ZNF444: variants seen among roughly 807,000 people sequenced by gnomAD.
ZNF444 encodes endothelial zinc finger protein 2.
A neutral mutation model predicts 14.4 loss-of-function variants in ZNF444; 8 were observed. That is an observed-to-expected ratio of 0.56 (90% CI 0.33 to 1.00). The LOEUF (loss-of-function observed/expected upper bound fraction) is 1.00. ZNF444 is among the 50% of genes least tolerant of loss of function. The pLI, the probability that ZNF444 is intolerant of heterozygous loss-of-function variation, is 0.03. For missense variants in ZNF444, 510 were observed against 504.8 expected (o/e 1.01, Z -0.10); for synonymous variants, 258 against 235.9 (o/e 1.09, Z -0.86).
upstream of ZNF444, among the ~76,000 whole-genome samples, chr19:56,136,874 C>T (rs539345212): frequency 1.8e-4 from 27 of 152,052 alleles, no homozygotes; most frequent in African/African-American, 5.8e-4. Context: ...CTCTGCCTCC[C>T]GGTTCAAGTG....
intron 3 of ZNF444, chr19:56,157,833 C>T (rs994384241): frequency 6.6e-6 from 1 of 152,210 alleles, no homozygotes; most frequent in Non-Finnish European, 1.5e-5. Flanking sequence ...ATTCTCATCC[C>T]TTTCCCTTGG....
At position 56,143,752 on chromosome 19, in the gene ZNF444, C is replaced by G. The variant is rs114819371; in HGVS notation, c.-197+2395C>G. ...AATTGTAGTGAAGAAAGTCAGCACA[C>G]AGATATCGTAACACTAGATCTTGTT... On this transcript the variant is annotated intron_variant, in intron 1 of 4. Coordinates refer to ENST00000337080, the MANE Select transcript of ZNF444 (RefSeq NM_018337.4). 3.6e-3 allele frequency among the ~76,000 whole-genome samples: 547 copies of G among 152,224 alleles called. 3 individuals are homozygous for G. The highest frequency in any genetic ancestry group is 0.013 in the African/African-American group (526 of 41,518).
At chr19:56,152,395 A>G (rs551594785) in intron 3 of ZNF444, among the ~76,000 whole-genome samples, 1 of 149,556 alleles carries the variant, frequency 6.7e-6, no homozygotes, top group Non-Finnish European at 1.5e-5. Flanking sequence ...TGCGGTTATG[A>G]GGTGATTCGG....
chr19:56,159,792 C>A lies in ZNF444; in HGVS notation c.575C>A (p.Ala192Asp). The change falls in exon 5 of 5, where the codon GCT (alanine) becomes GAT (aspartate). Residue 192 changes from alanine to aspartate, a missense_variant. Coordinates refer to ENST00000337080, the MANE Select transcript of ZNF444 (RefSeq NM_018337.4). The part of the protein sequence containing the change: ...PECGKTSLKP[A>D]HLLRHRQSHS... ...TGCGGCAAAACGTCCCTGAAACCAG[C>A]TCACCTGCTGCGCCACCGGCAGAGC... 6.3e-7 allele frequency: 1 copy of A among 1,592,496 alleles called. No homozygotes were observed. Among genetic ancestry groups the A allele is most frequent in the Non-Finnish European group, 8.5e-7 (1 of 1,173,898 alleles).
At chr19:56,159,363 C>G (rs537307280) in intron 4 of ZNF444, among the ~76,000 whole-genome samples, 2 of 151,972 alleles carry the variant, frequency 1.3e-5, no homozygotes, top group Non-Finnish European at 2.9e-5. Flanking sequence ...CATCCACCCA[C>G]GCATTCTTCA....
In ZNF444 at chr19:56,147,302, A is replaced by G. The variant is rs1469216052; in HGVS notation, c.297+94A>G. 1 of 1,333,546 alleles carries G rather than the reference A, an allele frequency of 7.5e-7. No individual in the cohort carries two copies. Among genetic ancestry groups the G allele is most frequent in the East Asian group, 3.0e-5 (1 of 32,920 alleles). 82.6% of individuals were successfully genotyped at this position (1,333,546 alleles called of 1,614,324 possible). A position where few individuals can be genotyped will look rare whatever the true frequency, so the allele number is the denominator to read the frequency against. On this transcript the variant is annotated intron_variant, in intron 3 of 4. Transcript: ENST00000337080. This position sits in a 1 kb window ranked among gnomAD's most constrained non-coding sequence, Gnocchi z 5.9. ...AGGGAGGAGCACCACTGAACCCCTG[A>G]AAACCAGTGTGACTCGCGGTGGGGA...
At chr19:56,156,305 T>C (rs1292916638) in intron 3 of ZNF444, 1 of 152,220 alleles carries the variant, frequency 6.6e-6, no homozygotes, top group Non-Finnish European at 1.5e-5. Context: ...TTTTGGCCTT[T>C]TATGGAGACT....
chr19:56,159,413 G>T (rs1024177932), intron 4 of ZNF444, among the ~76,000 whole-genome samples: 1 of 152,018 alleles, frequency 6.6e-6, no homozygotes, highest in East Asian at 1.9e-4. Context: ...CATCCAGCCA[G>T]CCATCATCTA....
Position 56,147,561 on chromosome 19 carries a change from C to T in ZNF444, c.297+353C>T, listed in dbSNP as rs1305264558. 6.6e-6 allele frequency among the ~76,000 whole-genome samples: 1 copy of T among 152,136 alleles called. No homozygotes were observed. Among genetic ancestry groups the T allele is most frequent in the East Asian group, 1.9e-4 (1 of 5,184 alleles). ...GCAGTTACCAGCTGTCCTCTCCCCG[C>T]ACCCCGCCCGCACGCAGGGGGTCTT... On this transcript the variant is annotated intron_variant, in intron 3 of 4. Transcript: ENST00000337080. The surrounding 1 kb of genome is among the most constrained non-coding windows in gnomAD (Gnocchi z 5.9).
chr19:56,153,968 G>A (rs185631929), intron 3 of ZNF444, among the ~76,000 whole-genome samples: 1 of 152,348 alleles, frequency 6.6e-6, no homozygotes, highest in Admixed American at 6.5e-5. Flanking sequence ...TAGTAGAATA[G>A]TGCAAACCTT....
Position 56,148,024 on chromosome 19 carries a change from C to T in ZNF444, c.297+816C>T, listed in dbSNP as rs116624255. On this transcript the variant is annotated intron_variant, in intron 3 of 4. Transcript: ENST00000337080. ...TGCCTGGCCCCGTCAGGGAAGTTGC[C>T]AGCCTGGCTTAGAGTCCTGTCGGGG... is the stretch of plus-strand genomic sequence containing the variant. 3.0e-3 allele frequency among the ~76,000 whole-genome samples: 446 copies of T among 150,622 alleles called. 5 individuals are homozygous for T. The highest frequency in any genetic ancestry group is 9.8e-3 in the African/African-American group (401 of 40,850).
intron 3 of ZNF444, chr19:56,154,966 C>T (rs1343268397): frequency 1.3e-5 from 2 of 152,232 alleles, no homozygotes; most frequent in African/African-American, 2.4e-5. Context: ...CCTGCCTCCA[C>T]CTTTTCCAAG....
intron 3 of ZNF444, chr19:56,152,010 A>G (rs529350124): frequency 4.7e-6 from 2 of 425,040 alleles, no homozygotes; most frequent in Non-Finnish European, 9.4e-6. Flanking sequence ...ACTGGTAGAA[A>G]GCAGTAGAGC....
At chr19:56,140,641 C>T (rs1311245201), upstream of ZNF444, among the ~76,000 whole-genome samples, 2 of 152,150 alleles carry the variant, frequency 1.3e-5, no homozygotes, top group African/African-American at 4.8e-5. Context: ...TGATTCCTGG[C>T]ACCGACATCG....
At chr19:56,141,842 G>A (rs1183817674) in intron 1 of ZNF444, 1 of 152,164 alleles carries the variant, frequency 6.6e-6, no homozygotes, top group Non-Finnish European at 1.5e-5. Flanking sequence ...TTGTAACGTA[G>A]ATACGGCGCA....
At chr19:56,149,705 A>T (rs898164622) in intron 3 of ZNF444, 1 of 151,690 alleles carries the variant, frequency 6.6e-6, no homozygotes, top group African/African-American at 2.4e-5. Context: ...CTCATTGTTC[A>T]ACTCCCACTT....
chr19:56,150,195 G>A, intron 3 of ZNF444: 1 of 211,844 alleles, frequency 4.7e-6, no homozygotes. Flanking sequence ...ACCACTCTGA[G>A]CTCATGCCAT....
chr19:56,134,305 T>C (rs2123450753), intron 1 of ZNF444, among the ~76,000 whole-genome samples: 1 of 152,268 alleles, frequency 6.6e-6, no homozygotes, highest in South Asian at 2.1e-4. Context: ...CTAAATTTGC[T>C]GTCAAAGGAA....
rs1030727927 is a variant in ZNF444, at chr19:56,144,056, C to T, written c.-196-2191C>T. On this transcript the variant is annotated intron_variant, in intron 1 of 4. Transcript: ENST00000337080. This position sits in a 1 kb window ranked among gnomAD's most constrained non-coding sequence, Gnocchi z 4.0. Reference sequence around the variant, plus strand: ...GGGCACAGTGGCTCACTCCTGTAATCCCAGCACTTTGAGAGGCTGAGGTGG... The same window carrying T: ...GGGCACAGTGGCTCACTCCTGTAATTCCAGCACTTTGAGAGGCTGAGGTGG... Among the ~76,000 whole-genome samples, 8 of 152,178 alleles carry T rather than the reference C, an allele frequency of 5.3e-5. No homozygotes were observed. The highest frequency in any genetic ancestry group is 1.2e-4 in the Non-Finnish European group (8 of 68,038).
Sources: gnomAD v4.1 joint callset for allele counts (sites outside exome capture counted in the v4.1 genomes callset) on GRCh38, gnomAD v4.1.1 for gene constraint, Gnocchi (gnomAD v3.1) non-coding constraint, MANE v1.5 for transcripts, NCBI Gene and HGNC (gene_info 2026-07-23, HGNC 2026-07-21) for gene names.